RASA1: variants seen among roughly 807,000 people sequenced by gnomAD.
The protein encoded by RASA1 is RAS p21 protein activator 1.
Under a neutral mutation model 132.2 loss-of-function variants are expected in RASA1, and 25 were observed. The ratio of observed to expected loss-of-function variants is 0.19; its 90% CI spans 0.14 to 0.26. The LOEUF is 0.26. RASA1 is among the 10% of genes least tolerant of loss of function. RASA1 has a pLI of 1.00. For synonymous variants in RASA1, 477 were observed against 449.9 expected (o/e 1.06, Z -0.76); for missense variants, 964 against 1,299.2 (o/e 0.74, Z 3.97).
chr5:87,372,052 T>A, intron 12 of RASA1, 66 bp from the exon 13 acceptor site: 2 of 1,335,522 alleles, frequency 1.5e-6, no homozygotes, highest in Non-Finnish European at 2.1e-6. Flanking sequence ...AAAAAAAACC[T>A]AACTGATGAT....
intron 2 of RASA1, among the ~76,000 whole-genome samples, chr5:87,331,705 T>A (rs1318104410): frequency 6.6e-6 from 1 of 152,200 alleles, no homozygotes; most frequent in Non-Finnish European, 1.5e-5. Flanking sequence ...TTGTTGGGCA[T>A]TACTGTGCTG....
chr5:87,331,521 T>C, intron 2 of RASA1, 21 bp downstream of exon 2: 2 of 1,608,572 alleles, frequency 1.2e-6, no homozygotes, highest in South Asian at 1.1e-5. Context: ...ATTCCTATTA[T>C]GAAGCCAAAT....
intron 20 of RASA1, among the ~76,000 whole-genome samples, chr5:87,382,375 C>A (rs144184574): frequency 1.3e-5 from 2 of 152,296 alleles, no homozygotes; most frequent in East Asian, 3.9e-4. Flanking sequence ...TCCACTCTAA[C>A]AGAGAACAGA....
chr5:87,341,539 T>TATCA (rs914201628), intron 6 of RASA1, among the ~76,000 whole-genome samples: 8 of 152,276 alleles, frequency 5.3e-5, no homozygotes, highest in African/African-American at 1.9e-4. Flanking sequence ...TAACTCTTTT[T>TATCA]ATCACCACAC....
At chr5:87,304,467 A>G (rs1755516159) in intron 1 of RASA1, among the ~76,000 whole-genome samples, 1 of 150,292 alleles carries the variant, frequency 6.7e-6, no homozygotes, top group South Asian at 2.1e-4. Context: ...TGTTTATTAT[A>G]CACTTTTTTT....
At chr5:87,384,835 C>T (rs945939439) in intron 21 of RASA1, among the ~76,000 whole-genome samples, 1 of 151,988 alleles carries the variant, frequency 6.6e-6, no homozygotes, top group Admixed American at 6.6e-5. Context: ...AGCAGAGGTC[C>T]TAGACTTTAT....
At chr5:87,278,690 C>T (rs767820700) in intron 1 of RASA1, among the ~76,000 whole-genome samples, 3 of 152,186 alleles carry the variant, frequency 2.0e-5, no homozygotes, top group Admixed American at 1.3e-4. Flanking sequence ...GTTCACATTT[C>T]ACCAGTTTTA....
At chr5:87,307,307 T>C (rs527579448) in intron 1 of RASA1, among the ~76,000 whole-genome samples, 52 of 152,322 alleles carry the variant, frequency 3.4e-4, no homozygotes, top group African/African-American at 1.2e-3. Context: ...CTCTAGTAAG[T>C]GTATTTTCTA....
intron 1 of RASA1, among the ~76,000 whole-genome samples, chr5:87,324,630 AATAC>A (rs1282989755): frequency 1.3e-5 from 2 of 152,136 alleles, no homozygotes; most frequent in Non-Finnish European, 2.9e-5. Flanking sequence ...ATCTGAGATA[AATAC>A]ATACACACAT....
At chr5:87,290,131 C>T (rs1267614705) in intron 1 of RASA1, among the ~76,000 whole-genome samples, 1 of 152,096 alleles carries the variant, frequency 6.6e-6, no homozygotes, top group Middle Eastern at 3.2e-3. Context: ...GGGTGAAACC[C>T]TTCTGCCTTG....
intron 1 of RASA1, among the ~76,000 whole-genome samples, chr5:87,307,462 AAACAACAACAAC>A (rs139386250): frequency 4.0e-5 from 6 of 151,078 alleles, no homozygotes; most frequent in South Asian, 2.1e-4. Flanking sequence ...CTCTGTCTCA[AAACAACAACAAC>A]AACAACAACA....
At chr5:87,305,134 C>CA (rs200292209) in intron 1 of RASA1, among the ~76,000 whole-genome samples, 3,210 of 151,918 alleles carry the variant, frequency 0.021, 115 homozygotes, top group African/African-American at 0.073. Context: ...GCAAAGTTAG[C>CA]AAAAATTTTT....
At chr5:87,302,901 G>A (rs1755438158) in intron 1 of RASA1, among the ~76,000 whole-genome samples, 1 of 151,948 alleles carries the variant, frequency 6.6e-6, no homozygotes, top group Non-Finnish European at 1.5e-5. Flanking sequence ...TTGCATGCTC[G>A]AAGGAGATGA....
chr5:87,373,503 C>T (rs1221269440), intron 13 of RASA1, among the ~76,000 whole-genome samples: 1 of 152,054 alleles, frequency 6.6e-6, no homozygotes, highest in African/African-American at 2.4e-5. Context: ...ATACTTATTA[C>T]AACCTGTAGT....
chr5:87,358,321 T>C (rs1759808182), intron 9 of RASA1, among the ~76,000 whole-genome samples: 1 of 152,218 alleles, frequency 6.6e-6, no homozygotes, highest in Non-Finnish European at 1.5e-5. Context: ...AGCACTGTTT[T>C]TTATACATAT....
At chr5:87,326,472 C>G (rs552168178) in intron 1 of RASA1, among the ~76,000 whole-genome samples, 9 of 152,206 alleles carry the variant, frequency 5.9e-5, no homozygotes, top group Non-Finnish European at 1.2e-4. Flanking sequence ...CAAAAATTTA[C>G]AAAGCTAGCT....
At position 87,284,632 on chromosome 5, in the gene RASA1, T is replaced by G. The variant is rs1409390264; in HGVS notation, c.539+15642T>G. Reference sequence around the variant, plus strand: ...TGAAATTTCAGTTAGATTTAGTAGTTCTTTGGAATCATGTAGTAATTCTCC... The same window carrying G: ...TGAAATTTCAGTTAGATTTAGTAGTGCTTTGGAATCATGTAGTAATTCTCC... On this transcript the variant is annotated intron_variant, in intron 1 of 24. Transcript: ENST00000274376. Among the ~76,000 whole-genome samples the G allele has an allele frequency of 2.6e-5, 4 of 152,222 alleles. No homozygotes were observed. In the East Asian group the frequency reaches 7.7e-4, roughly 29 times the overall value.
intron 22 of RASA1, 84 bp from the exon 23 acceptor site, chr5:87,386,742 A>T: frequency 8.3e-7 from 1 of 1,210,136 alleles, no homozygotes; most frequent in Non-Finnish European, 1.2e-6. Flanking sequence ...TTTTGCTGTT[A>T]ACTGTAATTA....
chr5:87,373,311 G>A (rs530496011), intron 13 of RASA1, among the ~76,000 whole-genome samples: 1 of 152,016 alleles, frequency 6.6e-6, no homozygotes, highest in Non-Finnish European at 1.5e-5. Context: ...ATTGTATTAG[G>A]TATTACAAGT....
Sources: allele counts gnomAD v4.1 joint callset (sites outside exome capture counted in the v4.1 genomes callset), GRCh38; gene constraint gnomAD v4.1.1; transcripts MANE v1.5; gene names NCBI Gene and HGNC (gene_info 2026-07-23, HGNC 2026-07-21).